Variants in PLAAT1 observed in about 807,000 individuals in gnomAD.
PLAAT1 encodes the protein H-REV107 protein-related protein.
PLAAT1 carries 13 observed loss-of-function variants against 16.4 expected under a neutral mutation model. The ratio of observed to expected loss-of-function variants is 0.79; its 90% CI spans 0.52 to 1.26. The LOEUF is 1.26. PLAAT1 is among the 50% of genes most tolerant of loss of function. The probability of loss-of-function intolerance (pLI) is 0.00; values close to 1 mark genes in which losing one functional copy is unlikely to be tolerated. For missense variants in PLAAT1, 218 were observed against 207.8 expected, an observed-to-expected ratio of 1.05 and a Z score of -0.30; for synonymous variants, 73 against 78.4, an observed-to-expected ratio of 0.93 and a Z score of 0.36.
intron 1 of PLAAT1, among the ~76,000 whole-genome samples, chr3:193,255,314 T>A (rs775048978): frequency 8.5e-5 from 13 of 152,208 alleles, no homozygotes; most frequent in Non-Finnish European, 1.6e-4. Context: ...TTGATATTTT[T>A]AAAATCTGTG....
intron 3 of PLAAT1, among the ~76,000 whole-genome samples, chr3:193,267,013 T>C (rs1321413424): frequency 6.6e-6 from 1 of 150,418 alleles, no homozygotes; most frequent in African/African-American, 2.5e-5. Context: ...CATCTTTTTT[T>C]CTTCTTTGTG....
downstream of PLAAT1, among the ~76,000 whole-genome samples, chr3:193,273,847 T>A (rs951285298): frequency 1.3e-5 from 2 of 152,204 alleles, no homozygotes; most frequent in African/African-American, 4.8e-5. Context: ...AACTTAAGAT[T>A]GTTTAGTAGC....
intron 1 of PLAAT1, among the ~76,000 whole-genome samples, chr3:193,252,788 C>T (rs1471735492): frequency 6.6e-6 from 1 of 152,082 alleles, no homozygotes; most frequent in East Asian, 1.9e-4. Context: ...TGTTTCAGCA[C>T]CAATTGTCAA....
chr3:193,264,544 T>C (rs78609392), intron 3 of PLAAT1, among the ~76,000 whole-genome samples: 1,593 of 151,814 alleles, frequency 0.01, 52 homozygotes, highest in East Asian at 0.072. Context: ...TGCTCTGTTG[T>C]CCAGGCTGGA....
intron 1 of PLAAT1, among the ~76,000 whole-genome samples, chr3:193,253,305 G>A (rs1204223541): frequency 6.6e-6 from 1 of 152,054 alleles, no homozygotes; most frequent in East Asian, 1.9e-4. Context: ...AACAGTTTAT[G>A]AATCAATTTA....
At chr3:193,275,113 C>T, downstream of PLAAT1, 3 of 1,614,174 alleles carry the variant, frequency 1.9e-6, no homozygotes, top group Non-Finnish European at 2.5e-6. Flanking sequence ...GGAATCTGTT[C>T]ATGGCTTTCA....
chr3:193,270,275 A>G (rs1015344405), intron 3 of PLAAT1, among the ~76,000 whole-genome samples: 1 of 152,196 alleles, frequency 6.6e-6, no homozygotes, highest in Non-Finnish European at 1.5e-5. Context: ...GTTTTGCAAA[A>G]CAAGAGTGGT....
intron 3 of PLAAT1, 29 bp from the exon 4 acceptor site, chr3:193,270,575 T>A: frequency 1.2e-6 from 2 of 1,602,146 alleles, no homozygotes; most frequent in Non-Finnish European, 1.7e-6. Context: ...ATATGATGTG[T>A]TTTTTGTTTA....
downstream of PLAAT1, among the ~76,000 whole-genome samples, chr3:193,274,121 G>C (rs1406409224): frequency 6.6e-6 from 1 of 152,060 alleles, no homozygotes; most frequent in Non-Finnish European, 1.5e-5. Context: ...GCGGGTGCCT[G>C]TATCCCAGCT....
At chr3:193,243,295 A>G (rs1715849301) in intron 1 of PLAAT1, among the ~76,000 whole-genome samples, 1 of 152,054 alleles carries the variant, frequency 6.6e-6, no homozygotes, top group East Asian at 1.9e-4. Context: ...TGCATTACAC[A>G]ATTTGTCTGA....
downstream of PLAAT1, among the ~76,000 whole-genome samples, chr3:193,272,699 C>G (rs973034517): frequency 6.6e-6 from 1 of 152,174 alleles, no homozygotes; most frequent in Non-Finnish European, 1.5e-5. Context: ...GTCTCCACTC[C>G]AGAAGACAGT....
chr3:193,276,817 A>G (rs764940133), intron 2 of PLAAT1: 3 of 1,613,426 alleles, frequency 1.9e-6, no homozygotes, highest in East Asian at 2.2e-5. Flanking sequence ...CCACGATGTT[A>G]TGGTTGGGAT....
intron 1 of PLAAT1, among the ~76,000 whole-genome samples, chr3:193,250,383 C>T (rs1352018613): frequency 6.6e-6 from 1 of 152,138 alleles, no homozygotes; most frequent in Admixed American, 6.6e-5. Context: ...ATCTCCCACT[C>T]ATTCTGCCCT....
chr3:193,260,527 A>G (rs192082325), intron 2 of PLAAT1, among the ~76,000 whole-genome samples: 1 of 152,302 alleles, frequency 6.6e-6, no homozygotes, highest in East Asian at 1.9e-4. Flanking sequence ...CTAATTAAAA[A>G]ATGGGCAAAG....
At chr3:193,262,357 TTCTG>T (rs1560103669) in intron 2 of PLAAT1, among the ~76,000 whole-genome samples, 1 of 111,804 alleles carries the variant, frequency 8.9e-6, no homozygotes, top group Non-Finnish European at 1.8e-5. Context: ...TTTTTTTTTT[TTCTG>T]GCCAAAGGAA....
At position 193,252,650 on chromosome 3, in the gene PLAAT1, T is replaced by C. The variant is rs78106926; in HGVS notation, c.1-3001T>C. On this transcript the variant is annotated intron_variant, in intron 1 of 3. Coordinates refer to ENST00000264735, the MANE Select transcript of PLAAT1 (RefSeq NM_020386.5). ...GTCTACCCTAGACCCTAAAAATTTTTCTCCTATGTTTTTCTCTATATTTTA... is the reference window on the plus strand; with the variant it reads ...GTCTACCCTAGACCCTAAAAATTTTCCTCCTATGTTTTTCTCTATATTTTA... 2.6e-3 allele frequency among the ~76,000 whole-genome samples: 389 copies of C among 152,284 alleles called. 1 individual carries two copies. The highest frequency in any genetic ancestry group is 4.8e-3 in the Admixed American group (74 of 15,294).
rs1203866015 is a variant in PLAAT1 at position 193,241,428 on chromosome 3, C to T, written c.-106C>T. Reference sequence around the variant, plus strand: ...GTCTCCCGGGTACAGATGGAGTCGTCCCGCGGCCGCCGGCGGCAAGGTCGG... The same window carrying T: ...GTCTCCCGGGTACAGATGGAGTCGTTCCGCGGCCGCCGGCGGCAAGGTCGG... On this transcript the variant is annotated 5_prime_UTR_variant, in exon 1 of 4. Transcript: ENST00000264735. The T allele has an allele frequency of 1.8e-5, 22 of 1,231,680 alleles. No individual in the cohort carries two copies. Among genetic ancestry groups the T allele is most frequent in the Non-Finnish European group, 8.1e-6 (8 of 988,052 alleles). The allele number at this position is 1,231,680 out of a possible 1,614,324, so 76.3% of individuals were successfully genotyped here.
chr3:193,273,749 CA>C (rs1560107521), downstream of PLAAT1, among the ~76,000 whole-genome samples: 2 of 151,934 alleles, frequency 1.3e-5, no homozygotes, highest in African/African-American at 4.8e-5. Context: ...TAATAGTGTA[CA>C]GAATATATTT....
intron 2 of PLAAT1, among the ~76,000 whole-genome samples, chr3:193,277,466 T>C (rs935623220): frequency 6.6e-6 from 1 of 152,206 alleles, no homozygotes; most frequent in African/African-American, 2.4e-5. Flanking sequence ...GCCTTTTTTC[T>C]GAGACCCCAC....
Sources: allele counts gnomAD v4.1 joint callset (sites outside exome capture counted in the v4.1 genomes callset), GRCh38; gene constraint gnomAD v4.1.1; transcripts MANE v1.5; gene names NCBI Gene and HGNC (gene_info 2026-07-23, HGNC 2026-07-21).